Variants in IL4I1 observed in about 807,000 individuals in gnomAD.
IL4I1 encodes the protein interleukin 4 induced 1.
A neutral mutation model predicts 29.7 loss-of-function variants in IL4I1; 24 were observed. The observed-to-expected ratio is 0.81, with a 90% CI of 0.59 to 1.14. The LOEUF (loss-of-function observed/expected upper bound fraction) is 1.14, where lower values mean the gene tolerates loss of function less well. IL4I1 is among the 50% of genes most tolerant of loss of function. The probability of loss-of-function intolerance (pLI) is 0.00; values close to 1 mark genes in which losing one functional copy is unlikely to be tolerated. For synonymous variants in IL4I1, 371 were observed against 352.5 expected, an observed-to-expected ratio of 1.05 and a Z score of -0.59; for missense variants, 686 against 785.6, an observed-to-expected ratio of 0.87 and a Z score of 1.52.
chr19:49,909,486 T>C lies in IL4I1; in HGVS notation c.-227-5165A>G, dbSNP rs201568105. ...AGCCCAAAGCCGCTGGGGTTTGCCA[T>C]GGCTGGGGTGGCAGCTGTGTTGCTC... On this transcript the variant is annotated intron_variant, in intron 2 of 9. Transcript: ENST00000341114. 2.2e-4 allele frequency: 351 copies of C among 1,614,172 alleles called. 5 individuals carry two copies. The East Asian group carries it at 7.6e-3, about 35-fold the overall frequency.
chr19:49,911,479 T>C (rs1340958253), intron 2 of IL4I1: 2 of 152,170 alleles, frequency 1.3e-5, no homozygotes, highest in African/African-American at 4.8e-5. Context: ...GGCCAGTTTT[T>C]AAATTGCTTG....
chr19:49,889,703 G>C lies in IL4I1; in HGVS notation c.1671C>G (p.Leu557=), dbSNP rs2075102013. The stretch of plus-strand genomic sequence containing the variant: ...AGGTCCTCGTGTGGGTCGTGTTTTG[G>C]AGAGATAACTGGCCTTGGACTGGAG... ...SHPPVQGQLS[L]QNTTHTRTSH Residue 557 remains leucine, a synonymous_variant, in exon 8 of 8, where the codon CTC becomes CTG. Transcript: ENST00000391826. 6.6e-7 allele frequency: 1 copy of C among 1,509,210 alleles called. No individual in the cohort carries two copies. The highest frequency in any genetic ancestry group is 8.9e-7 in the Non-Finnish European group (1 of 1,128,142). The allele number at this position is 1,509,210 out of a possible 1,614,324, so 93.5% of individuals were successfully genotyped here.
upstream of IL4I1, among the ~76,000 whole-genome samples, chr19:49,899,411 G>A (rs181851145): frequency 9.2e-5 from 14 of 152,174 alleles, no homozygotes; most frequent in African/African-American, 3.1e-4. Flanking sequence ...GAGAGATGGG[G>A]TCTTGCTGTG....
Position 49,889,928 on chromosome 19 carries a change from G to A in IL4I1, c.1446C>T (p.His482=). ...CCACCCAGCCGTGCGGGTAGGCGGT[G>A]TGCTCGCCGGCAAAGTAGATGCGGC... is the stretch of plus-strand genomic sequence containing the variant. ...PYGRIYFAGE[H]TAYPHGWVET... is the part of the protein sequence containing the mutation. Residue 482 remains histidine, a synonymous_variant, in exon 8 of 8, where the codon CAC becomes CAT. Coordinates refer to ENST00000391826, the MANE Select transcript of IL4I1 (RefSeq NM_152899.2). 6.2e-7 allele frequency: 1 copy of A among 1,606,920 alleles called. No homozygotes were observed. The highest frequency in any genetic ancestry group is 1.1e-5 in the South Asian group (1 of 90,254).
intron 2 of IL4I1, among the ~76,000 whole-genome samples, chr19:49,915,973 C>T (rs1024575279): frequency 1.2e-4 from 19 of 152,360 alleles, no homozygotes; most frequent in Admixed American, 9.8e-4. Flanking sequence ...CTGCTGTATT[C>T]GCAGCACCTG....
Position 49,920,967 on chromosome 19 carries a change from G to A in IL4I1, c.-228+6727C>T, listed in dbSNP as rs113474381. ...GCCCAGGCCGGGCTGTGGTGGAGACGGTTGCTATGGAGGTTTCTCTGGGAA... is the reference window on the plus strand; with the variant it reads ...GCCCAGGCCGGGCTGTGGTGGAGACAGTTGCTATGGAGGTTTCTCTGGGAA... On this transcript the variant is annotated intron_variant, in intron 2 of 9. Transcript: ENST00000341114. Among the ~76,000 whole-genome samples the A allele has an allele frequency of 3.3e-5, 5 of 152,278 alleles. 1 individual carries two copies. Among genetic ancestry groups the A allele is most frequent in the South Asian group, 2.1e-4 (1 of 4,820 alleles).
chr19:49,904,879 T>G (rs940881821), intron 2 of IL4I1, among the ~76,000 whole-genome samples: 2 of 152,086 alleles, frequency 1.3e-5, no homozygotes, highest in African/African-American at 4.8e-5. Context: ...CCGGCTAATT[T>G]TTTTATATTT....
chr19:49,921,225 A>G lies in IL4I1; in HGVS notation c.-228+6469T>C, dbSNP rs1433142227. Among the ~76,000 whole-genome samples the G allele has an allele frequency of 6.6e-6, 1 of 152,170 alleles. No homozygotes were observed. Among genetic ancestry groups the G allele is most frequent in the Non-Finnish European group, 1.5e-5 (1 of 68,032 alleles). On this transcript the variant is annotated intron_variant, in intron 2 of 9. Transcript: ENST00000341114. This position sits in a 1 kb window ranked among gnomAD's most constrained non-coding sequence, Gnocchi z 5.4. ...CATTTATAAATGAGCAAACTGAGAA[A>G]GGGGAGAGGACTTCAGTCACCTGCG...
intron 2 of IL4I1, among the ~76,000 whole-genome samples, chr19:49,923,353 A>G (rs1319671448): frequency 6.6e-6 from 1 of 152,172 alleles, no homozygotes; most frequent in Admixed American, 6.5e-5. Flanking sequence ...CTCTGTGCTG[A>G]GCAACTCATT....
intron 2 of IL4I1, among the ~76,000 whole-genome samples, chr19:49,918,152 G>C (rs908741967): frequency 1.3e-5 from 2 of 151,004 alleles, no homozygotes; most frequent in Non-Finnish European, 2.9e-5. Context: ...CTGCAGCCTC[G>C]ACTTTCTGGG....
chr19:49,895,754 C>T, intron 3 of IL4I1, 61 bp downstream of exon 3: 1 of 1,114,462 alleles, frequency 9.0e-7, no homozygotes. Context: ...TGTCCCTGTG[C>T]CCAGGGACTC....
chr19:49,896,736 T>C, intron 1 of IL4I1, 99 bp downstream of exon 1: 1 of 799,976 alleles, frequency 1.3e-6, no homozygotes, highest in Non-Finnish European at 1.5e-6. Context: ...GCCCGGCCTC[T>C]TTTCCCTCTT....
At position 49,890,993 on chromosome 19, in the gene IL4I1, TGTGGGCCCG is replaced by T; in HGVS notation, c.742_750del (p.Arg248_His250del). 1 of 1,366,750 alleles carries T rather than the reference TGTGGGCCCG, an allele frequency of 7.3e-7. No individual in the cohort carries two copies. Among genetic ancestry groups the T allele is most frequent in the Non-Finnish European group, 9.7e-7 (1 of 1,030,420 alleles). The allele number at this position is 1,366,750 out of a possible 1,614,324, so 84.7% of individuals were successfully genotyped here. On this transcript the variant is annotated inframe_deletion, in exon 7 of 8. Transcript: ENST00000391826. ...TACTGGAGTCTGTCGCTGAGGCAGC[TGTGGGCCCG>T]GAGGGCCTCGGCGAAGCTGAGATAG... is the stretch of plus-strand genomic sequence containing the variant.
rs919347451 is a variant in IL4I1 at position 49,908,134 on chromosome 19, G to C, written c.-227-3813C>G. On this transcript the variant is annotated intron_variant, in intron 2 of 9. Coordinates refer to the IL4I1 transcript ENST00000341114. ...GTCAAGGGCAGTCATGTGAAAGAAA[G>C]AAACAAACAAACAAGTATCTTGCCA... is the stretch of plus-strand genomic sequence containing the variant. The C allele has an allele frequency of 1.1e-5, 17 of 1,526,680 alleles. No individual in the cohort carries two copies. The East Asian group carries it at 1.5e-4, about 13-fold the overall frequency. The allele number at this position is 1,526,680 out of a possible 1,614,324, so 94.6% of individuals were successfully genotyped here.
chr19:49,896,746 T>A lies in IL4I1; in HGVS notation c.-23+89A>T, dbSNP rs921007964. ...CCCGCGCCCGGCCTCTTTTCCCTCT[T>A]CCTCATCTCCCCAGCTCCTGACTGC... On this transcript the variant is annotated intron_variant, in intron 1 of 7. Transcript: ENST00000391826. 1.6e-5 allele frequency: 14 copies of A among 852,032 alleles called. No homozygotes were observed. In the African/African-American group the frequency reaches 2.4e-4, roughly 15 times the overall value. 52.8% of individuals were successfully genotyped at this position (852,032 alleles called of 1,614,324 possible).
chr19:49,909,813 C>T (rs759762297), intron 2 of IL4I1: 46 of 1,613,708 alleles, frequency 2.9e-5, no homozygotes, highest in South Asian at 2.3e-4. Context: ...CTCATGGCTC[C>T]GGACTCTGGT....
upstream of IL4I1, among the ~76,000 whole-genome samples, chr19:49,898,730 G>A (rs939070273): frequency 1.3e-5 from 2 of 152,138 alleles, no homozygotes; most frequent in African/African-American, 2.4e-5. Context: ...TTAGCCAGGC[G>A]TGGTGGTGCA....
At chr19:49,909,844 C>T (rs2075418453) in intron 2 of IL4I1, 1 of 1,606,106 alleles carries the variant, frequency 6.2e-7, no homozygotes. Context: ...ACTCTGGCTC[C>T]CAAAGCAAAT....
chr19:49,892,513 G>T (rs1026613276), intron 5 of IL4I1, among the ~76,000 whole-genome samples: 3 of 152,186 alleles, frequency 2.0e-5, no homozygotes, highest in African/African-American at 7.2e-5. Context: ...ACAGTGTACA[G>T]TGCCCAGACC....
Sources: allele counts gnomAD v4.1 joint callset (sites outside exome capture counted in the v4.1 genomes callset), GRCh38; gene constraint gnomAD v4.1.1; non-coding constraint Gnocchi (gnomAD v3.1); transcripts MANE v1.5; gene names NCBI Gene and HGNC (gene_info 2026-07-23, HGNC 2026-07-21).